The following EHMT1 variants were observed in gnomAD, a reference collection of about 807,000 sequenced individuals.
EHMT1 encodes histone-lysine N-methyltransferase EHMT1.
EHMT1 carries 15 observed loss-of-function variants against 147.2 expected under a neutral mutation model. The observed-to-expected ratio is 0.10, with a 90% CI of 0.07 to 0.16. The LOEUF (loss-of-function observed/expected upper bound fraction) is 0.16. Among genes scored for constraint, EHMT1 ranks in the 10% least tolerant of loss-of-function variants. The probability of loss-of-function intolerance (pLI) is 1.00; values close to 1 mark genes in which losing one functional copy is unlikely to be tolerated. For missense variants in EHMT1, 1,587 were observed against 1,772.4 expected (o/e 0.90, Z 1.88); for synonymous variants, 795 against 709.6 (o/e 1.12, Z -1.91).
chr9:137,748,581 C>A (rs1205456637), intron 6 of EHMT1, among the ~76,000 whole-genome samples: 1 of 152,244 alleles, frequency 6.6e-6, no homozygotes, highest in Non-Finnish European at 1.5e-5. Flanking sequence ...AGGTTGCCTT[C>A]TTCCCCACCG....
chr9:137,802,777 C>G (rs570233956), intron 18 of EHMT1: 4 of 1,225,384 alleles, frequency 3.3e-6, no homozygotes, highest in Admixed American at 4.2e-5. Flanking sequence ...GTGCCTCCTC[C>G]GTGGGCTGCA....
intron 1 of EHMT1, among the ~76,000 whole-genome samples, chr9:137,682,748 C>T (rs1395467127): frequency 6.6e-6 from 1 of 152,204 alleles, no homozygotes; most frequent in South Asian, 2.1e-4. Flanking sequence ...CTGAGGATGA[C>T]GGCTGCTCTG....
At chr9:137,750,259 T>TAC (rs1948859210) in intron 6 of EHMT1, among the ~76,000 whole-genome samples, 1 of 108,068 alleles carries the variant, frequency 9.3e-6, no homozygotes, top group Admixed American at 9.4e-5. Context: ...TTTAAAGATT[T>TAC]TCTCTAGAAA....
intron 13 of EHMT1, 22 bp downstream of exon 13, chr9:137,778,077 C>T (rs1951094345): frequency 1.2e-6 from 2 of 1,613,596 alleles, no homozygotes; most frequent in Middle Eastern, 1.6e-4. Flanking sequence ...CATGTGATTT[C>T]AGAGATGTCT....
At position 137,717,080 on chromosome 9, in the gene EHMT1, G is replaced by A. The variant is rs776402186; in HGVS notation, c.540G>A (p.Gly180=). 9 of 1,611,048 alleles carry A rather than the reference G, an allele frequency of 5.6e-6. No homozygotes were observed. The highest frequency in any genetic ancestry group is 1.6e-4 in the Middle Eastern group (1 of 6,072). Residue 180 remains glycine (G), a synonymous_variant, in exon 3 of 27, where the codon GGG becomes GGA. Transcript: ENST00000460843. The stretch of plus-strand genomic sequence containing the variant: ...CAGCCGCCCCACCAGCCACCCTTGG[G>A]GAGGGGAGTGCTGACACAGAGGACA... ...QTPAAPPATL[G]EGSADTEDRK...
At chr9:137,761,951 G>C (rs901202187) in intron 9 of EHMT1, among the ~76,000 whole-genome samples, 24 of 152,154 alleles carry the variant, frequency 1.6e-4, no homozygotes, top group African/African-American at 5.8e-4. Context: ...CCCCGCCCCT[G>C]CTGCTCAACA....
rs371374007 is a variant in EHMT1, at chr9:137,813,341, C to T, written c.3036-45C>T. On this transcript the variant is annotated intron_variant, in intron 20 of 26. Coordinates refer to ENST00000460843, the MANE Select transcript of EHMT1 (RefSeq NM_024757.5). The surrounding 1 kb of genome is among the most constrained non-coding windows in gnomAD (Gnocchi z 4.9). ...ACTGCACGCTGTGCCACCCCCTGGG[C>T]AGAGCACGTCAGCCACCAGGTGACA... 6 of 1,591,312 alleles carry T rather than the reference C, an allele frequency of 3.8e-6. No homozygotes were observed. In the African/African-American group the frequency reaches 5.4e-5, roughly 14 times the overall value.
chr9:137,799,088 A>ACAGAGCCAGCTCGGGCCCTCCACG (rs1953220694), intron 17 of EHMT1, among the ~76,000 whole-genome samples, 174 bp downstream of exon 17: 2 of 142,330 alleles, frequency 1.4e-5, no homozygotes, highest in Admixed American at 1.4e-4. Context: ...GACCCTCCAC[A>ACAGAGCCAGCTCGGGCCCTCCACG]GCGTCCCATC....
Position 137,776,533 on chromosome 9 carries a change from T to C in EHMT1, c.1792-85T>C, listed in dbSNP as rs1395418269. 1.5e-6 allele frequency: 2 copies of C among 1,374,006 alleles called. No individual in the cohort carries two copies. Among genetic ancestry groups the C allele is most frequent in the African/African-American group, 2.9e-5 (2 of 69,234 alleles). The allele number at this position is 1,374,006 out of a possible 1,614,324, so 85.1% of individuals were successfully genotyped here. A position where few individuals can be genotyped will look rare whatever the true frequency, so the allele number is the denominator to read the frequency against. ...ACTCTGCAGACCGCCCGATGTGGGA[T>C]GCGGTGCCAGTTTAGTAGTACTTTA... On this transcript the variant is annotated intron_variant, in intron 11 of 26. Transcript: ENST00000460843. The surrounding 1 kb of genome is among the most constrained non-coding windows in gnomAD (Gnocchi z 4.4).
intron 3 of EHMT1, 52 bp from the exon 4 acceptor site, chr9:137,728,297 C>T: frequency 1.2e-6 from 2 of 1,612,146 alleles, no homozygotes; most frequent in Admixed American, 1.7e-5. Flanking sequence ...CATGTTATTT[C>T]AGTGACCACC....
chr9:137,689,353 A>G (rs999680625), intron 1 of EHMT1, among the ~76,000 whole-genome samples: 9 of 152,106 alleles, frequency 5.9e-5, no homozygotes, highest in Non-Finnish European at 8.8e-5. Flanking sequence ...GTGAGTATGT[A>G]CTTTTTAACA....
rs1949202590 is a variant in EHMT1, at chr9:137,754,182, C to T, written c.1260C>T (p.Ser420=). 1 of 1,613,932 alleles carries T rather than the reference C, an allele frequency of 6.2e-7. No homozygotes were observed. The highest frequency in any genetic ancestry group is 1.3e-5 in the African/African-American group (1 of 74,878). ...GTTTGGTTCTCCAGAGTTCGGAATC[C>T]AGCATTAAGAAGAAATTTCTCAAGA... is the stretch of plus-strand genomic sequence containing the variant. ...GGDESDLSSE[S]SIKKKFLKRK... Residue 420 remains serine (S), a synonymous_variant, in exon 8 of 27, where the codon TCC becomes TCT. Transcript: ENST00000460843.
At chr9:137,650,031 A>G (rs1054816888) in intron 1 of EHMT1, among the ~76,000 whole-genome samples, 1 of 152,126 alleles carries the variant, frequency 6.6e-6, no homozygotes, top group Non-Finnish European at 1.5e-5. Context: ...TGGCTGTGCC[A>G]TCTAACATTC....
At chr9:137,738,452 T>A (rs1012919604) in intron 4 of EHMT1, among the ~76,000 whole-genome samples, 3 of 152,098 alleles carry the variant, frequency 2.0e-5, no homozygotes, top group African/African-American at 7.2e-5. Context: ...TGTGCACTGC[T>A]GGTAGGAAGT....
chr9:137,760,795 G>A (rs1161242994), intron 9 of EHMT1, among the ~76,000 whole-genome samples: 2 of 152,202 alleles, frequency 1.3e-5, no homozygotes, highest in Admixed American at 1.3e-4. Flanking sequence ...AGATCACAAG[G>A]TCAGGAGATC....
intron 10 of EHMT1, among the ~76,000 whole-genome samples, chr9:137,765,497 G>A (rs1245929761): frequency 1.3e-5 from 2 of 152,062 alleles, no homozygotes; most frequent in African/African-American, 4.8e-5. Flanking sequence ...TTTTTGGATA[G>A]AAAACTCAAA....
At chr9:137,675,165 G>A (rs1941120988) in intron 1 of EHMT1, 1 of 152,226 alleles carries the variant, frequency 6.6e-6, no homozygotes, top group Non-Finnish European at 1.5e-5. Context: ...GTGTGAACTT[G>A]ATTCCATGGG....
intron 1 of EHMT1, among the ~76,000 whole-genome samples, chr9:137,668,295 A>C (rs1166017175): frequency 6.6e-6 from 1 of 150,474 alleles, no homozygotes; most frequent in Admixed American, 6.6e-5. Flanking sequence ...CTCTTCCTCC[A>C]TTCTCCTTCC....
intron 1 of EHMT1, among the ~76,000 whole-genome samples, chr9:137,633,610 G>C (rs536104003): frequency 5.9e-5 from 9 of 151,790 alleles, no homozygotes; most frequent in African/African-American, 1.9e-4. Flanking sequence ...CACCTCAGTG[G>C]GGTTCTTTGG....
Sources: gnomAD v4.1 joint callset for allele counts (sites outside exome capture counted in the v4.1 genomes callset) on GRCh38, gnomAD v4.1.1 for gene constraint, Gnocchi (gnomAD v3.1) non-coding constraint, MANE v1.5 for transcripts, NCBI Gene and HGNC (gene_info 2026-07-23, HGNC 2026-07-21) for gene names.